The following UNKL variants were observed in gnomAD, a reference collection of about 807,000 sequenced individuals.
UNKL encodes the protein putative E3 ubiquitin-protein ligase UNKL.
In UNKL, 60 loss-of-function variants were observed where a neutral mutation model predicts 78.0. The observed-to-expected ratio is 0.77, with a 90% CI of 0.63 to 0.95. The LOEUF (loss-of-function observed/expected upper bound fraction) is 0.95, where lower values mean the gene tolerates loss of function less well. UNKL is among the 40% of genes least tolerant of loss of function. The probability of loss-of-function intolerance (pLI) is 0.00; values close to 1 mark genes in which losing one functional copy is unlikely to be tolerated. For synonymous variants in UNKL, 608 were observed against 474.8 expected (o/e 1.28, Z -3.65); for missense variants, 1,159 against 1,045.7 (o/e 1.11, Z -1.49).
At chr16:1,371,022 G>A (rs1031734111) in intron 11 of UNKL, among the ~76,000 whole-genome samples, 7 of 149,964 alleles carry the variant, frequency 4.7e-5, no homozygotes, top group African/African-American at 1.5e-4. Flanking sequence ...GGTGGAGCTT[G>A]CAGTGAGCGG....
rs572777658 is a variant in UNKL, at chr16:1,399,310, G to A, written c.734+64C>T. The A allele has an allele frequency of 2.9e-5, 42 of 1,469,582 alleles. No homozygotes were observed. Among genetic ancestry groups the A allele is most frequent in the African/African-American group, 7.1e-5 (5 of 70,680 alleles). The allele number at this position is 1,469,582 out of a possible 1,614,324, so 91.0% of individuals were successfully genotyped here. Reference sequence around the variant, plus strand: ...ATTAGAACCCCGGGGTGGGCAACGCGAGCCACGGGCCGGGAAGGACGCCCA... The same window carrying A: ...ATTAGAACCCCGGGGTGGGCAACGCAAGCCACGGGCCGGGAAGGACGCCCA... On this transcript the variant is annotated intron_variant, in intron 5 of 14. Coordinates refer to ENST00000389221, the MANE Select transcript of UNKL (RefSeq NM_001372107.1). This position sits in a 1 kb window ranked among gnomAD's most constrained non-coding sequence, Gnocchi z 5.8.
At chr16:1,368,600 C>T (rs2035506413) in intron 12 of UNKL, among the ~76,000 whole-genome samples, 1 of 100,450 alleles carries the variant, frequency 1.0e-5, no homozygotes, top group East Asian at 2.9e-4. Context: ...CAGAATGAGA[C>T]TCCGTCTCAA....
rs117263225 is a variant in UNKL at position 1,409,747 on chromosome 16, G to A, written c.287+4099C>T. ...ACTGGATACCACCCTGTGCCTAGCA[G>A]TGAGGCTGAGTCCACACCAAGACAC... On this transcript the variant is annotated intron_variant, in intron 2 of 14. Coordinates refer to ENST00000389221, the MANE Select transcript of UNKL (RefSeq NM_001372107.1). Among the ~76,000 whole-genome samples, 1,049 of 152,194 alleles carry A rather than the reference G, an allele frequency of 6.9e-3. 7 individuals carry two copies. Among genetic ancestry groups the A allele is most frequent in the Non-Finnish European group, 0.012 (830 of 68,016 alleles).
At chr16:1,395,735 CCA>C (rs2037231685) in intron 6 of UNKL, 1 of 456,484 alleles carries the variant, frequency 2.2e-6, no homozygotes, top group Admixed American at 2.3e-5. Context: ...CAGCTGGGTA[CCA>C]GAGACTGGGG....
Position 1,399,248 on chromosome 16 carries a change from C to G in UNKL, c.734+126G>C. The G allele has an allele frequency of 1.4e-6, 2 of 1,401,140 alleles. No homozygotes were observed. The highest frequency in any genetic ancestry group is 1.9e-6 in the Non-Finnish European group (2 of 1,070,812). The allele number at this position is 1,401,140 out of a possible 1,614,324, so 86.8% of individuals were successfully genotyped here. Reference sequence around the variant, plus strand: ...CCACTGTGCTTGGAGATGCCCTCCCCTCCCGGGGATGATGGTGCCACAAGG... The same window carrying G: ...CCACTGTGCTTGGAGATGCCCTCCCGTCCCGGGGATGATGGTGCCACAAGG... On this transcript the variant is annotated intron_variant, in intron 5 of 14. Coordinates refer to ENST00000389221, the MANE Select transcript of UNKL (RefSeq NM_001372107.1). The surrounding 1 kb of genome is among the most constrained non-coding windows in gnomAD (Gnocchi z 5.8).
intron 14 of UNKL, 29 bp from the exon 15 acceptor site, chr16:1,366,424 G>A (rs1397720630): frequency 1.3e-6 from 2 of 1,548,778 alleles, no homozygotes; most frequent in Non-Finnish European, 1.8e-6. Flanking sequence ...GACGGGCTCA[G>A]GAGGCCCCTG....
At chr16:1,388,235 C>G (rs1351987870) in intron 9 of UNKL, among the ~76,000 whole-genome samples, 1 of 152,200 alleles carries the variant, frequency 6.6e-6, no homozygotes. Flanking sequence ...TGCAGAAAGC[C>G]AGGAGGCACC....
chr16:1,366,942 GGGTGGGGCACC>G (rs1448768054), intron 14 of UNKL, 139 bp downstream of exon 14: 30 of 1,396,384 alleles, frequency 2.1e-5, no homozygotes, highest in Admixed American at 9.0e-5. Context: ...GGCTGTGCTG[GGGTGGGGCACC>G]GTCTCCTCCT....
chr16:1,408,925 CTTTTTTT>C (rs143029863), intron 2 of UNKL: 1 of 142,910 alleles, frequency 7.0e-6, no homozygotes, highest in East Asian at 2.0e-4. Context: ...ATAGAAATTT[CTTTTTTT>C]TTTTTTTTGA....
chr16:1,375,112 G>C lies in UNKL; in HGVS notation c.1265-3501C>G, dbSNP rs112274086. Among the ~76,000 whole-genome samples, 1,238 of 152,294 alleles carry C rather than the reference G, an allele frequency of 8.1e-3. 12 individuals carry two copies. The highest frequency in any genetic ancestry group is 0.027 in the African/African-American group (1,142 of 41,570). On this transcript the variant is annotated intron_variant, in intron 10 of 14. Coordinates refer to ENST00000389221, the MANE Select transcript of UNKL (RefSeq NM_001372107.1). ...GCCCCTCGCCCGAGGCCTGGCGCTC[G>C]GCGGTCACACCCCCCGAGCCCCCCA... is the stretch of plus-strand genomic sequence containing the variant.
Position 1,390,714 on chromosome 16 carries a change from C to T in UNKL, c.1024-20G>A, listed in dbSNP as rs1232295189. 3 of 1,535,648 alleles carry T rather than the reference C, an allele frequency of 2.0e-6. No homozygotes were observed. Among genetic ancestry groups the T allele is most frequent in the Non-Finnish European group, 2.6e-6 (3 of 1,146,730 alleles). ...CTTGGCCTGCAACATAAAAAACAGT[C>T]ATATGTGGAAAAAGCAGGGAGGAAA... On this transcript the variant is annotated intron_variant, in intron 8 of 14. Transcript: ENST00000389221.
chr16:1,374,514 T>G (rs2036066645), intron 10 of UNKL, among the ~76,000 whole-genome samples: 1 of 151,910 alleles, frequency 6.6e-6, no homozygotes, highest in Non-Finnish European at 1.5e-5. Flanking sequence ...GACCCGACCG[T>G]GGGGGTCGGC....
Position 1,392,872 on chromosome 16 carries a change from G to C in UNKL, c.1023+19C>G. 1 of 1,550,396 alleles carries C rather than the reference G, an allele frequency of 6.4e-7. No homozygotes were observed. The highest frequency in any genetic ancestry group is 8.7e-7 in the Non-Finnish European group (1 of 1,146,860). On this transcript the variant is annotated intron_variant, in intron 8 of 14. Transcript: ENST00000389221. ...ACCAAAGGACACTGGGCATTGTCCT[G>C]GGAAGGCCGTTCACTTACATTTCCC... is the stretch of plus-strand genomic sequence containing the variant.
chr16:1,368,144 C>T, intron 12 of UNKL: 1 of 483,186 alleles, frequency 2.1e-6, no homozygotes. Context: ...ATTCAAGTTC[C>T]TGGGACCACA....
rs2035194421 is a variant in UNKL at position 1,365,728 on chromosome 16, C to CA, written c.*511dup. ...ATATATTTAGCATACTATGAATTGA[C>CA]AATAAACTGATATGAAATATTTAAG... On this transcript the variant is annotated 3_prime_UTR_variant, in exon 15 of 15. Transcript: ENST00000389221. 1 of 152,630 alleles carries CA rather than the reference C, an allele frequency of 6.6e-6. No homozygotes were observed. Among genetic ancestry groups the CA allele is most frequent in the African/African-American group, 2.4e-5 (1 of 41,390 alleles). The allele number at this position is 152,630 out of a possible 1,614,324, so 9.5% of individuals were successfully genotyped here.
At position 1,367,790 on chromosome 16, in the gene UNKL, T is replaced by C. The variant is rs113951440; in HGVS notation, c.1654A>G (p.Ile552Val). 106,975 of 1,563,874 alleles carry C rather than the reference T, an allele frequency of 0.068. 4,158 individuals carry two copies. The highest frequency in any genetic ancestry group is 0.099 in the South Asian group (8,474 of 85,336). Residue 552 changes from isoleucine (I) to valine (V), a missense_variant, in exon 13 of 15, where the codon ATC becomes GTC. By Grantham distance (29) the Ile-to-Val change is conservative. Transcript: ENST00000389221. Reference protein sequence around the residue: ...SGSFSPSPSPILSAGPPSSSS... With the variant: ...SGSFSPSPSPVLSAGPPSSSS... ...GAGGATGGGGGGCCGGCACTCAGGA[T>C]GGGGGAGGGGCTGGGGGAGAAGCTG...
intron 10 of UNKL, 38 bp from the exon 11 acceptor site, chr16:1,371,649 G>A (rs555068045): frequency 6.5e-7 from 1 of 1,529,440 alleles, no homozygotes; most frequent in African/African-American, 1.4e-5. Context: ...AGCCCACCCA[G>A]CGCTGCAGAG....
chr16:1,370,999 C>T (rs1428796092), intron 11 of UNKL, among the ~76,000 whole-genome samples: 1 of 147,970 alleles, frequency 6.8e-6, no homozygotes, highest in Non-Finnish European at 1.5e-5. Flanking sequence ...AGGAGAATGG[C>T]GTGAACCCGG....
At chr16:1,381,188 A>G (rs893949786) in intron 10 of UNKL, among the ~76,000 whole-genome samples, 1 of 152,248 alleles carries the variant, frequency 6.6e-6, no homozygotes, top group Non-Finnish European at 1.5e-5. Flanking sequence ...GAGTGAGCAC[A>G]GTCCAAGATG....
Sources: gnomAD v4.1 joint callset for allele counts (sites outside exome capture counted in the v4.1 genomes callset) on GRCh38, gnomAD v4.1.1 for gene constraint, Gnocchi (gnomAD v3.1) non-coding constraint, MANE v1.5 for transcripts, NCBI Gene and HGNC (gene_info 2026-07-23, HGNC 2026-07-21) for gene names.